TMEM132D: variants seen among roughly 807,000 people sequenced by gnomAD.
The protein encoded by TMEM132D is mature OL transmembrane protein.
In TMEM132D, 21 loss-of-function variants were observed where a neutral mutation model predicts 62.3. That is an observed-to-expected ratio of 0.34 (90% CI 0.24 to 0.49). TMEM132D has a LOEUF of 0.49. Among genes scored for constraint, TMEM132D ranks in the 20% least tolerant of loss-of-function variants. The pLI, the probability that TMEM132D is intolerant of heterozygous loss-of-function variation, is 0.99. For synonymous variants in TMEM132D, 621 were observed against 575.6 expected, an observed-to-expected ratio of 1.08 and a Z score of -1.13; for missense variants, 1,346 against 1,402.8, an observed-to-expected ratio of 0.96 and a Z score of 0.65.
intron 2 of TMEM132D, among the ~76,000 whole-genome samples, chr12:129,532,939 G>A (rs893625915): frequency 3.9e-5 from 6 of 152,142 alleles, no homozygotes; most frequent in African/African-American, 1.4e-4. Context: ...TTCCCTCTGC[G>A]GACCATGCTT....
intron 2 of TMEM132D, among the ~76,000 whole-genome samples, chr12:129,628,338 C>G (rs1879273974): frequency 6.6e-6 from 1 of 152,096 alleles, no homozygotes; most frequent in East Asian, 1.9e-4. Flanking sequence ...GTGACAGATC[C>G]AAGGCAGAGC....
Position 129,256,571 on chromosome 12 carries a change from G to A in TMEM132D, c.1300-46908C>T, listed in dbSNP as rs112475442. 7.4e-3 allele frequency among the ~76,000 whole-genome samples: 1,124 copies of A among 152,174 alleles called. 8 individuals carry two copies. Among genetic ancestry groups the A allele is most frequent in the South Asian group, 0.018 (86 of 4,814 alleles). On this transcript the variant is annotated intron_variant, in intron 4 of 8. Transcript: ENST00000422113. Reference sequence around the variant, plus strand: ...CTAGTAGCTGGGATTACAGGATCACGCCACCACACCCAGGTAGTTTTTGTA... The same window carrying A: ...CTAGTAGCTGGGATTACAGGATCACACCACCACACCCAGGTAGTTTTTGTA...
chr12:129,146,381 T>C (rs1412898677), intron 5 of TMEM132D, among the ~76,000 whole-genome samples: 1 of 152,194 alleles, frequency 6.6e-6, no homozygotes, highest in Non-Finnish European at 1.5e-5. Context: ...TTTCCCAAAT[T>C]GTCACTAGAG....
chr12:129,291,628 A>G (rs1881451165), intron 4 of TMEM132D, among the ~76,000 whole-genome samples: 2 of 152,178 alleles, frequency 1.3e-5, no homozygotes, highest in African/African-American at 4.8e-5. Context: ...ATTAGAATCC[A>G]AGCTCTCTGC....
chr12:129,615,524 G>A (rs969951667), intron 2 of TMEM132D, among the ~76,000 whole-genome samples: 2 of 150,478 alleles, frequency 1.3e-5, no homozygotes, highest in Non-Finnish European at 2.9e-5. Flanking sequence ...GCCAGTGTGA[G>A]AGGATTGTTC....
At chr12:129,488,666 C>G (rs776032088) in intron 3 of TMEM132D, among the ~76,000 whole-genome samples, 1 of 152,124 alleles carries the variant, frequency 6.6e-6, no homozygotes, top group East Asian at 1.9e-4. Context: ...CAGCAAGACT[C>G]TGTCTGGAGG....
At chr12:129,237,205 C>T (rs12425485) in intron 4 of TMEM132D, among the ~76,000 whole-genome samples, 33,312 of 151,866 alleles carry the variant, frequency 0.22, 3,834 homozygotes, top group Non-Finnish European at 0.26. Context: ...TAGTAGTTAC[C>T]TCTTCTTCAA....
intron 1 of TMEM132D, among the ~76,000 whole-genome samples, chr12:129,705,249 A>G (rs898068825): frequency 2.6e-5 from 4 of 152,198 alleles, no homozygotes; most frequent in African/African-American, 4.8e-5. Flanking sequence ...AAACGAAAAC[A>G]TTCCCGGGTT....
intron 5 of TMEM132D, among the ~76,000 whole-genome samples, chr12:129,175,149 C>T (rs1877867321): frequency 6.6e-6 from 1 of 152,126 alleles, no homozygotes; most frequent in Non-Finnish European, 1.5e-5. Context: ...AGTCTTTGTC[C>T]ATGCCTATGT....
At chr12:129,454,409 G>C (rs1205769845) in intron 3 of TMEM132D, among the ~76,000 whole-genome samples, 1 of 152,148 alleles carries the variant, frequency 6.6e-6, no homozygotes, top group Non-Finnish European at 1.5e-5. Context: ...CAAGGCAGGG[G>C]TTTCTTATTC....
intron 1 of TMEM132D, among the ~76,000 whole-genome samples, chr12:129,720,597 C>T (rs1013812488): frequency 5.9e-5 from 9 of 152,118 alleles, no homozygotes; most frequent in African/African-American, 1.9e-4. Flanking sequence ...GTGGCTGGGC[C>T]GTCTAGGGAG....
chr12:129,379,201 A>G (rs1870866831), intron 3 of TMEM132D, among the ~76,000 whole-genome samples: 2 of 152,178 alleles, frequency 1.3e-5, no homozygotes, highest in South Asian at 4.1e-4. Flanking sequence ...AATGATAAAC[A>G]CATGCACACA....
chr12:129,858,838 G>T (rs71466453), intron 1 of TMEM132D, among the ~76,000 whole-genome samples: 3 of 59,942 alleles, frequency 5.0e-5, no homozygotes, highest in Admixed American at 1.7e-4. Context: ...GTCCGGGGGA[G>T]CGGGATGGGT....
intron 5 of TMEM132D, among the ~76,000 whole-genome samples, chr12:129,147,746 C>T (rs920720196): frequency 6.6e-6 from 1 of 152,212 alleles, no homozygotes; most frequent in African/African-American, 2.4e-5. Context: ...ATCACCTGGT[C>T]AAGGTGTTGG....
intron 3 of TMEM132D, among the ~76,000 whole-genome samples, chr12:129,475,736 G>A (rs1346309837): frequency 6.6e-6 from 1 of 152,194 alleles, no homozygotes; most frequent in African/African-American, 2.4e-5. Context: ...CACTCTGCAG[G>A]CGTCCAGCAG....
chr12:129,253,160 G>A (rs2135591435), intron 4 of TMEM132D, among the ~76,000 whole-genome samples: 1 of 151,202 alleles, frequency 6.6e-6, no homozygotes, highest in East Asian at 1.9e-4. Flanking sequence ...CCTGCATGTT[G>A]TGCACATGTA....
rs1442399044 is a variant in TMEM132D at position 129,662,767 on chromosome 12, T to G, written c.968+37043A>C. 7.1e-5 allele frequency among the ~76,000 whole-genome samples: 8 copies of G among 113,052 alleles called. 1 individual carries two copies. The allele number at this position is 113,052 out of a possible 152,430, so 74.2% of individuals were successfully genotyped here. On this transcript the variant is annotated intron_variant, in intron 2 of 8. Transcript: ENST00000422113. The stretch of plus-strand genomic sequence containing the variant: ...AAGATTGTGCCACTGCACTCCAGCC[T>G]GGCGACAGAGCAAGATTCCATCTCA...
chr12:129,150,312 G>A (rs1387709595), intron 5 of TMEM132D, among the ~76,000 whole-genome samples: 2 of 152,304 alleles, frequency 1.3e-5, no homozygotes, highest in African/African-American at 2.4e-5. Context: ...GAACAGCGAC[G>A]AACAGGGGGC....
intron 1 of TMEM132D, among the ~76,000 whole-genome samples, chr12:129,884,122 G>A (rs746631966): frequency 1.3e-5 from 2 of 152,100 alleles, no homozygotes; most frequent in Admixed American, 6.6e-5. Context: ...TGTAGAGACG[G>A]AGTCTCACTA....
Sources: gnomAD v4.1 joint callset for allele counts (sites outside exome capture counted in the v4.1 genomes callset) on GRCh38, gnomAD v4.1.1 for gene constraint, MANE v1.5 for transcripts, NCBI Gene and HGNC (gene_info 2026-07-23, HGNC 2026-07-21) for gene names.